SCN10A: variants seen among roughly 807,000 people sequenced by gnomAD.
SCN10A encodes sodium channel protein type 10 subunit alpha.
SCN10A carries 162 observed loss-of-function variants against 170.7 expected under a neutral mutation model. The ratio of observed to expected loss-of-function variants is 0.95; its 90% CI spans 0.84 to 1.08. The LOEUF is 1.08. Ranked by LOEUF, SCN10A falls within the 50% of genes least tolerant of loss-of-function variation. The pLI is 0.00. For synonymous variants in SCN10A, 985 were observed against 904.6 expected (o/e 1.09, Z -1.59); for missense variants, 2,527 against 2,436.9 (o/e 1.04, Z -0.78).
chr3:38,772,728 AAC>A (rs1397082069), intron 4 of SCN10A, among the ~76,000 whole-genome samples: 1 of 49,242 alleles, frequency 2.0e-5, no homozygotes, highest in Non-Finnish European at 4.7e-5. Context: ...CAACAACAAA[AAC>A]AAAAACAAAA....
chr3:38,724,647 ACTT>A (rs1374709558), intron 18 of SCN10A, among the ~76,000 whole-genome samples: 2 of 152,082 alleles, frequency 1.3e-5, no homozygotes, highest in Non-Finnish European at 2.9e-5. Context: ...ACAAGGGAAA[ACTT>A]CTTCATCTGT....
chr3:38,709,421 A>C (rs1460446856), intron 25 of SCN10A, 57 bp downstream of exon 25: 11 of 1,536,444 alleles, frequency 7.2e-6, no homozygotes, highest in Non-Finnish European at 9.6e-6. Flanking sequence ...GGCAGGGAAC[A>C]GGAAATATAA....
At chr3:38,744,080 T>C (rs2063661602) in intron 13 of SCN10A, among the ~76,000 whole-genome samples, 1 of 152,228 alleles carries the variant, frequency 6.6e-6, no homozygotes, top group Non-Finnish European at 1.5e-5. Flanking sequence ...CAACAACTGA[T>C]AAAGCATAAT....
intron 3 of SCN10A, among the ~76,000 whole-genome samples, chr3:38,790,284 G>A (rs1405054361): frequency 3.3e-5 from 5 of 151,794 alleles, no homozygotes; most frequent in Non-Finnish European, 4.4e-5. Context: ...TAATAATAGG[G>A]CCCTGAGAAT....
chr3:38,793,593 GAT>G lies in SCN10A; in HGVS notation c.270+146_270+147del, dbSNP rs146665502. ...CAAAGAGATCATCAAATAAGTTAGA[GAT>G]ATATATATATATTTTTTTTGGTTGT... is the stretch of plus-strand genomic sequence containing the variant. On this transcript the variant is annotated intron_variant, in intron 2 of 27. Coordinates refer to ENST00000449082, the MANE Select transcript of SCN10A (RefSeq NM_006514.4). The G allele has an allele frequency of 2.9e-3, 1,819 of 631,262 alleles. 16 individuals carry two copies. Among genetic ancestry groups the G allele is most frequent in the African/African-American group, 0.021 (1,126 of 54,142 alleles). The allele number at this position is 631,262 out of a possible 1,614,324, so 39.1% of individuals were successfully genotyped here. A position where few individuals can be genotyped will look rare whatever the true frequency, so the allele number is the denominator to read the frequency against.
At chr3:38,723,336 G>T (rs948143803) in intron 19 of SCN10A, 94 bp downstream of exon 19, 22 of 1,495,744 alleles carry the variant, frequency 1.5e-5, no homozygotes, top group Non-Finnish European at 1.9e-5. Flanking sequence ...GGCACAGCTT[G>T]TTTGTCTTCT....
At chr3:38,701,232 G>A (rs1175643339) in intron 27 of SCN10A, among the ~76,000 whole-genome samples, 2 of 152,090 alleles carry the variant, frequency 1.3e-5, no homozygotes, top group African/African-American at 4.8e-5. Context: ...CAAAATACTG[G>A]GCCTGTCATT....
intron 4 of SCN10A, among the ~76,000 whole-genome samples, chr3:38,783,327 A>C (rs1015340892): frequency 6.6e-6 from 1 of 152,074 alleles, no homozygotes; most frequent in South Asian, 2.1e-4. Context: ...CCTGGAGGCC[A>C]CTATTCTCCT....
At chr3:38,768,395 T>A (rs1470356643) in intron 5 of SCN10A, among the ~76,000 whole-genome samples, 1 of 152,148 alleles carries the variant, frequency 6.6e-6, no homozygotes, top group East Asian at 1.9e-4. Context: ...TATTTCAAGA[T>A]TTAGAATTCC....
chr3:38,718,929 G>C, intron 20 of SCN10A, 103 bp from the exon 21 acceptor site: 3 of 1,109,002 alleles, frequency 2.7e-6, no homozygotes, highest in Non-Finnish European at 3.8e-6. Context: ...ACAGTCCCTG[G>C]AAGGGGATTT....
intron 1 of SCN10A, among the ~76,000 whole-genome samples, chr3:38,812,949 C>T (rs1396316654): frequency 1.3e-5 from 2 of 152,068 alleles, no homozygotes; most frequent in Non-Finnish European, 2.9e-5. Flanking sequence ...AGGAGGATCA[C>T]CTGAGCCCTG....
At chr3:38,736,712 GAAGTGGAATAGATCCCA>G (rs1259345254) in intron 15 of SCN10A, among the ~76,000 whole-genome samples, 1 of 152,002 alleles carries the variant, frequency 6.6e-6, no homozygotes, top group Non-Finnish European at 1.5e-5. Flanking sequence ...GGTCATGAGG[GAAGTGGAATAGATCCCA>G]AGAAAGTGTG....
chr3:38,714,211 T>G (rs2063307681), intron 21 of SCN10A, 131 bp from the exon 22 acceptor site: 1 of 1,079,136 alleles, frequency 9.3e-7, no homozygotes, highest in Non-Finnish European at 1.3e-6. Flanking sequence ...TCCCACCTTA[T>G]TCGGAACTCC....
intron 2 of SCN10A, among the ~76,000 whole-genome samples, chr3:38,792,439 C>A (rs2064294948): frequency 6.6e-6 from 1 of 152,172 alleles, no homozygotes; most frequent in African/African-American, 2.4e-5. Flanking sequence ...GGACAGACAG[C>A]CAATCCTCAG....
At chr3:38,723,308 G>A in intron 19 of SCN10A, 122 bp downstream of exon 19, 1 of 1,245,966 alleles carries the variant, frequency 8.0e-7, no homozygotes. Context: ...CTCAAGCCTG[G>A]GAGTGAGGCA....
At chr3:38,791,544 C>T (rs1400899828) in intron 3 of SCN10A, among the ~76,000 whole-genome samples, 1 of 152,214 alleles carries the variant, frequency 6.6e-6, no homozygotes, top group Non-Finnish European at 1.5e-5. Context: ...TATGTGTGCT[C>T]TTCCCATCAT....
chr3:38,787,047 A>G (rs2064213680), intron 4 of SCN10A, among the ~76,000 whole-genome samples: 1 of 152,168 alleles, frequency 6.6e-6, no homozygotes, highest in African/African-American at 2.4e-5. Context: ...TAAAGTTTAA[A>G]GTTTGTCAAG....
rs143264613 is a variant in SCN10A at position 38,777,058 on chromosome 3, C to T, written c.471-5651G>A. 4.7e-4 allele frequency among the ~76,000 whole-genome samples: 72 copies of T among 152,028 alleles called. 1 individual carries two copies. The highest frequency in any genetic ancestry group is 1.7e-3 in the African/African-American group (71 of 41,516). ...AAAGTAATTATGAGACTCTCATAAACATCATAATAGTGAAACATTAGAAGC... is the reference window on the plus strand; with the variant it reads ...AAAGTAATTATGAGACTCTCATAAATATCATAATAGTGAAACATTAGAAGC... On this transcript the variant is annotated intron_variant, in intron 4 of 27. Transcript: ENST00000449082.
At chr3:38,778,620 T>A (rs927889671) in intron 4 of SCN10A, among the ~76,000 whole-genome samples, 15 of 152,140 alleles carry the variant, frequency 9.9e-5, no homozygotes, top group Admixed American at 3.9e-4. Context: ...AAAGATTGTG[T>A]TAAGAACATG....
Sources: gnomAD v4.1 joint callset for allele counts (sites outside exome capture counted in the v4.1 genomes callset) on GRCh38, gnomAD v4.1.1 for gene constraint, MANE v1.5 for transcripts, NCBI Gene and HGNC (gene_info 2026-07-23, HGNC 2026-07-21) for gene names.